The following JMJD1C variants were observed in gnomAD, a reference collection of about 807,000 sequenced individuals.
JMJD1C encodes the protein jumonji domain-containing protein 1C.
In JMJD1C, 31 loss-of-function variants were observed where a neutral mutation model predicts 245.3. The observed-to-expected ratio is 0.13, with a 90% confidence interval of 0.09 to 0.17. The LOEUF is 0.17. Ranked by LOEUF, JMJD1C falls within the 10% of genes least tolerant of loss-of-function variation. The pLI, the probability that JMJD1C is intolerant of heterozygous loss-of-function variation, is 1.00. For missense variants in JMJD1C, 2,691 were observed against 3,000.2 expected, an observed-to-expected ratio of 0.90 and a Z score of 2.41; for synonymous variants, 1,057 against 1,017.4, an observed-to-expected ratio of 1.04 and a Z score of -0.74.
At chr10:63,222,024 T>C (rs568456500) in intron 3 of JMJD1C, 16 of 393,562 alleles carry the variant, frequency 4.1e-5, no homozygotes, top group African/African-American at 8.3e-5. Flanking sequence ...ATCTGGCCCA[T>C]AGAAAACTAT....
Position 63,281,458 on chromosome 10 carries a change from CTTTTTTTTTTTTTT to C in JMJD1C, c.334-16708_334-16695del, listed in dbSNP as rs71025144. Among the ~76,000 whole-genome samples the C allele has an allele frequency of 6.2e-3, 406 of 65,398 alleles. 5 individuals carry two copies. The highest frequency in any genetic ancestry group is 8.8e-3 in the Non-Finnish European group (336 of 38,222). 42.9% of individuals were successfully genotyped at this position (65,398 alleles called of 152,430 possible). ...ACAGGCGTGAGCCACTGCGCCTGGC[CTTTTTTTTTTTTTT>C]TTTTTTTTTTTTTTTTGAGACGGAG... On this transcript the variant is annotated intron_variant, in intron 2 of 25. Coordinates refer to ENST00000399262, the MANE Select transcript of JMJD1C (RefSeq NM_032776.3).
chr10:63,395,195 T>C (rs565531313), intron 1 of JMJD1C, among the ~76,000 whole-genome samples: 59 of 152,202 alleles, frequency 3.9e-4, no homozygotes, highest in African/African-American at 1.4e-3. Flanking sequence ...ACTAAAATTT[T>C]TGGCCAGGTG....
At chr10:63,185,826 T>C (rs1264745146) in intron 19 of JMJD1C, among the ~76,000 whole-genome samples, 173 bp from the exon 20 acceptor site, 1 of 152,266 alleles carries the variant, frequency 6.6e-6, no homozygotes, top group East Asian at 1.9e-4. Context: ...AAAACCTTTG[T>C]TCCTTTTGTA....
chr10:63,254,486 T>C (rs1341982913), intron 3 of JMJD1C, among the ~76,000 whole-genome samples: 3 of 152,192 alleles, frequency 2.0e-5, no homozygotes, highest in South Asian at 4.1e-4. Flanking sequence ...TCACACTGGA[T>C]GGCTCACAAA....
At chr10:63,178,007 C>A (rs1202492414) in intron 22 of JMJD1C, 151 bp from the exon 23 acceptor site, 2 of 710,952 alleles carry the variant, frequency 2.8e-6, no homozygotes, top group Non-Finnish European at 4.5e-6. Flanking sequence ...GTGGCATGAT[C>A]TTGGCTCACT....
chr10:63,274,502 T>C (rs1856603621), intron 2 of JMJD1C, among the ~76,000 whole-genome samples: 1 of 152,000 alleles, frequency 6.6e-6, no homozygotes, highest in Non-Finnish European at 1.5e-5. Context: ...GAGCCAGAGG[T>C]TGCAGGGAGC....
chr10:63,457,732 G>A (rs935092730), intron 1 of JMJD1C, among the ~76,000 whole-genome samples: 7 of 152,180 alleles, frequency 4.6e-5, no homozygotes, highest in Non-Finnish European at 1.0e-4. Flanking sequence ...GAGAGTCTGT[G>A]AATCACAAAC....
chr10:63,469,259 A>G (rs1465611228), upstream of JMJD1C, among the ~76,000 whole-genome samples: 4 of 152,260 alleles, frequency 2.6e-5, no homozygotes, highest in Non-Finnish European at 5.9e-5. Flanking sequence ...CACCACTTAT[A>G]GAACACTTAC....
chr10:63,448,439 G>T (rs577793965), intron 1 of JMJD1C, among the ~76,000 whole-genome samples: 1 of 152,276 alleles, frequency 6.6e-6, no homozygotes, highest in South Asian at 2.1e-4. Context: ...TTACAGGTGT[G>T]AGCCTCCACA....
At chr10:63,244,235 C>T (rs1851879405) in intron 3 of JMJD1C, among the ~76,000 whole-genome samples, 1 of 152,168 alleles carries the variant, frequency 6.6e-6, no homozygotes, top group Admixed American at 6.5e-5. Context: ...ACCCGAGGCA[C>T]AAACCCCTAG....
chr10:63,275,038 T>C (rs1228831194), intron 2 of JMJD1C, among the ~76,000 whole-genome samples: 3 of 152,128 alleles, frequency 2.0e-5, no homozygotes, highest in South Asian at 4.1e-4. Context: ...TCTAAAAATA[T>C]AGGTATTTTT....
chr10:63,353,270 C>T (rs924820469), intron 2 of JMJD1C, among the ~76,000 whole-genome samples: 1 of 151,994 alleles, frequency 6.6e-6, no homozygotes, highest in African/African-American at 2.4e-5. Context: ...TTTGTAAGAA[C>T]TCAAAGAAAC....
chr10:63,216,243 A>G (rs915044701), intron 5 of JMJD1C, among the ~76,000 whole-genome samples: 5 of 152,212 alleles, frequency 3.3e-5, no homozygotes, highest in African/African-American at 9.6e-5. Context: ...CATTTTAACC[A>G]AAGTATTTGA....
chr10:63,467,457 G>A (rs1276994906), upstream of JMJD1C, among the ~76,000 whole-genome samples: 1 of 152,126 alleles, frequency 6.6e-6, no homozygotes, highest in African/African-American at 2.4e-5. Context: ...GCAGTGAGCC[G>A]GGATCGTGCC....
chr10:63,313,583 A>T (rs1452262958), intron 2 of JMJD1C, among the ~76,000 whole-genome samples: 1 of 152,174 alleles, frequency 6.6e-6, no homozygotes, highest in African/African-American at 2.4e-5. Flanking sequence ...TTCCCTTTCC[A>T]TCACATCTGC....
chr10:63,496,035 TAA>T (rs1016095824), intron 1 of JMJD1C, among the ~76,000 whole-genome samples: 3 of 113,034 alleles, frequency 2.7e-5, no homozygotes, highest in African/African-American at 3.3e-5. Flanking sequence ...GCAATTGCAC[TAA>T]AAAAAAAAAA....
chr10:63,373,529 C>T (rs1946479529), intron 2 of JMJD1C, among the ~76,000 whole-genome samples: 1 of 152,022 alleles, frequency 6.6e-6, no homozygotes, highest in African/African-American at 2.4e-5. Context: ...GACAAGATAA[C>T]GTAACTGATA....
At chr10:63,459,168 T>C (rs911972996) in intron 1 of JMJD1C, among the ~76,000 whole-genome samples, 7 of 152,224 alleles carry the variant, frequency 4.6e-5, no homozygotes, top group African/African-American at 1.7e-4. Flanking sequence ...TGGAGCACAT[T>C]AATATTTCTC....
At chr10:63,242,270 T>C (rs1245410450) in intron 3 of JMJD1C, among the ~76,000 whole-genome samples, 3 of 152,344 alleles carry the variant, frequency 2.0e-5, no homozygotes, top group African/African-American at 7.2e-5. Context: ...GCATAAATGG[T>C]ATATACATGC....
Sources: allele counts gnomAD v4.1 joint callset (sites outside exome capture counted in the v4.1 genomes callset), GRCh38; gene constraint gnomAD v4.1.1; transcripts MANE v1.5; gene names NCBI Gene and HGNC (gene_info 2026-07-23, HGNC 2026-07-21).